GTF2B: variants seen among roughly 807,000 people sequenced by gnomAD.
GTF2B encodes the protein general transcription factor IIB.
In GTF2B, 20 loss-of-function variants were observed where a neutral mutation model predicts 34.6. The observed-to-expected ratio is 0.58, with a 90% CI of 0.41 to 0.84. The LOEUF is 0.84. Among genes scored for constraint, GTF2B ranks in the 40% least tolerant of loss-of-function variants. The pLI, the probability that GTF2B is intolerant of heterozygous loss-of-function variation, is 0.00. For missense variants in GTF2B, 237 were observed against 393.3 expected (o/e 0.60, Z 3.36); for synonymous variants, 142 against 132.4 (o/e 1.07, Z -0.50).
In GTF2B at chr1:88,887,291, T is replaced by C. The variant is rs564862923; in HGVS notation, c.94A>G (p.Met32Val). ...ILVEDYRAGDMICPECGLVVG... is the reference protein window; with the variant it reads ...ILVEDYRAGDVICPECGLVVG... ...ACCAAGCCACATTCAGGACAGATCA[T>C]ATCACCGGCTCTGTAGTCCTCCACT... The change falls in exon 2 of 7, where the codon ATG (methionine) becomes GTG (valine). Residue 32 changes from methionine to valine, a missense_variant. Coordinates refer to ENST00000370500, the MANE Select transcript of GTF2B (RefSeq NM_001514.6). 1.2e-5 allele frequency: 19 copies of C among 1,609,180 alleles called. No homozygotes were observed. The East Asian group carries it at 2.2e-4, about 19-fold the overall frequency.
At chr1:88,866,490 C>A (rs1325688680) in intron 2 of GTF2B, among the ~76,000 whole-genome samples, 1 of 152,168 alleles carries the variant, frequency 6.6e-6, no homozygotes, top group African/African-American at 2.4e-5. Flanking sequence ...CTCACTGCAG[C>A]TTTTGCCTCT....
intron 3 of GTF2B, among the ~76,000 whole-genome samples, chr1:88,860,661 A>G (rs1673413032): frequency 6.6e-6 from 1 of 152,078 alleles, no homozygotes; most frequent in Non-Finnish European, 1.5e-5. Flanking sequence ...AGAATCAAAT[A>G]ATGTAAAACA....
intron 4 of GTF2B, 23 bp downstream of exon 4, chr1:88,860,117 A>C: frequency 6.2e-7 from 1 of 1,613,588 alleles, no homozygotes; most frequent in Non-Finnish European, 8.5e-7. Flanking sequence ...AGAATGGCTT[A>C]AAGGAGGTAG....
Position 88,887,208 on chromosome 1 carries a change from C to T in GTF2B, c.124+53G>A. 1.4e-5 allele frequency: 16 copies of T among 1,163,744 alleles called. No homozygotes were observed. The South Asian group carries it at 1.9e-4, about 14-fold the overall frequency. 72.1% of individuals were successfully genotyped at this position (1,163,744 alleles called of 1,614,324 possible). Reference sequence around the variant, plus strand: ...TGCTGGAATTACAGGCGTGAGCCACCATGCTTGGCCTCCTGAACAGTAATT... The same window carrying T: ...TGCTGGAATTACAGGCGTGAGCCACTATGCTTGGCCTCCTGAACAGTAATT... On this transcript the variant is annotated intron_variant, in intron 2 of 6. Transcript: ENST00000370500.
rs57528139 is a variant in GTF2B at position 88,881,008 on chromosome 1, C to CAAA, written c.124+6250_124+6252dup. On this transcript the variant is annotated intron_variant, in intron 2 of 6. Transcript: ENST00000370500. ...TGGGTGACAGAGCGAGATGCTGTCT[C>CAAA]AAAAAAAAAAAAAAAAAAAGAACTA... 1.6e-3 allele frequency among the ~76,000 whole-genome samples: 146 copies of CAAA among 92,740 alleles called. 1 individual carries two copies. The highest frequency in any genetic ancestry group is 4.7e-3 in the African/African-American group (116 of 24,928). The allele number at this position is 92,740 out of a possible 152,430, so 60.8% of individuals were successfully genotyped here. A position where few individuals can be genotyped will look rare whatever the true frequency, so the allele number is the denominator to read the frequency against.
chr1:88,855,660 T>G (rs1673287193), intron 6 of GTF2B, among the ~76,000 whole-genome samples: 1 of 151,910 alleles, frequency 6.6e-6, no homozygotes, highest in Non-Finnish European at 1.5e-5. Context: ...GCCACCAACT[T>G]TTCTTTTTTT....
intron 5 of GTF2B, chr1:88,858,789 TAAATGAAA>T (rs1383896895): frequency 6.6e-6 from 1 of 151,212 alleles, no homozygotes; most frequent in African/African-American, 2.4e-5. Context: ...AACTGCAAAC[TAAATGAAA>T]AATACCAGTT....
Position 88,860,357 on chromosome 1 carries a change from T to C in GTF2B, c.259-71A>G, listed in dbSNP as rs1324470315. On this transcript the variant is annotated intron_variant, in intron 3 of 6. Coordinates refer to ENST00000370500, the MANE Select transcript of GTF2B (RefSeq NM_001514.6). The stretch of plus-strand genomic sequence containing the variant: ...GAAAAATGGACAATTTCTATGAAAA[T>C]ATAGCTTACAAGATCTGATTCTACA... 4.6e-6 allele frequency: 5 copies of C among 1,079,058 alleles called. No individual in the cohort carries two copies. In the East Asian group the frequency reaches 1.2e-4, roughly 25 times the overall value. The allele number at this position is 1,079,058 out of a possible 1,614,324, so 66.8% of individuals were successfully genotyped here. A position where few individuals can be genotyped will look rare whatever the true frequency, so the allele number is the denominator to read the frequency against.
At chr1:88,877,904 C>A (rs1252496356) in intron 2 of GTF2B, among the ~76,000 whole-genome samples, 12 of 152,204 alleles carry the variant, frequency 7.9e-5, no homozygotes, top group Admixed American at 7.9e-4. Flanking sequence ...GCACTCCTGC[C>A]TGGGCGACAG....
chr1:88,888,946 T>G (rs1326679637), intron 1 of GTF2B, among the ~76,000 whole-genome samples: 1 of 152,262 alleles, frequency 6.6e-6, no homozygotes, highest in Non-Finnish European at 1.5e-5. Context: ...TGGTATCTGA[T>G]TTCCTTACCT....
rs1308599330 is a variant in GTF2B, at chr1:88,891,521, C to T, written c.-22G>A. ...CCATCTTCACGGCGACTGCGGTGCC[C>T]GCAACAAGACACAACAGACACACCG... On this transcript the variant is annotated 5_prime_UTR_variant, in exon 1 of 7. Transcript: ENST00000370500. 3.8e-6 allele frequency: 6 copies of T among 1,599,392 alleles called. No individual in the cohort carries two copies. The highest frequency in any genetic ancestry group is 2.7e-5 in the African/African-American group (2 of 74,564).
chr1:88,887,727 T>C, intron 1 of GTF2B: 1 of 241,714 alleles, frequency 4.1e-6, no homozygotes, highest in South Asian at 4.5e-5. Flanking sequence ...ACCATCCAGT[T>C]TGTGCTCTTT....
chr1:88,880,084 A>G (rs1342137657), intron 2 of GTF2B, among the ~76,000 whole-genome samples: 2 of 152,162 alleles, frequency 1.3e-5, no homozygotes, highest in Non-Finnish European at 2.9e-5. Flanking sequence ...AAGAAAAAGA[A>G]AAAGAAAAGA....
At chr1:88,866,435 G>GTGAA (rs1001324836) in intron 2 of GTF2B, among the ~76,000 whole-genome samples, 2 of 152,068 alleles carry the variant, frequency 1.3e-5, no homozygotes, top group African/African-American at 4.8e-5. Flanking sequence ...TTCAGACAGG[G>GTGAA]TCTCACTCTG....
Position 88,864,124 on chromosome 1 carries a change from T to C in GTF2B, c.125-10A>G, listed in dbSNP as rs1673499197. 2.5e-6 allele frequency: 4 copies of C among 1,613,432 alleles called. No homozygotes were observed. Among genetic ancestry groups the C allele is most frequent in the Non-Finnish European group, 3.4e-6 (4 of 1,179,472 alleles). ...TCAATAACCCGGTCACCTAAGAATA[T>C]AAGCACATATCTGAATCATTTTGTC... On this transcript the variant is annotated splice_polypyrimidine_tract_variant and intron_variant, in intron 2 of 6. Transcript: ENST00000370500.
chr1:88,873,285 G>GAA (rs1673742414), intron 2 of GTF2B, among the ~76,000 whole-genome samples: 1 of 147,324 alleles, frequency 6.8e-6, no homozygotes, highest in Non-Finnish European at 1.5e-5. Context: ...CACCTCCCAA[G>GAA]TTCAAGTGAT....
At chr1:88,871,714 A>G (rs961274906) in intron 2 of GTF2B, among the ~76,000 whole-genome samples, 2 of 152,172 alleles carry the variant, frequency 1.3e-5, no homozygotes, top group African/African-American at 4.8e-5. Context: ...AAGTCGTATA[A>G]AAGACTGCTC....
At chr1:88,858,180 T>C (rs1202387033) in intron 5 of GTF2B, among the ~76,000 whole-genome samples, 1 of 151,720 alleles carries the variant, frequency 6.6e-6, no homozygotes, top group African/African-American at 2.4e-5. Context: ...TTTGTATTTT[T>C]AGTAGAGATG....
intron 5 of GTF2B, among the ~76,000 whole-genome samples, chr1:88,858,235 G>A (rs1283808938): frequency 1.3e-5 from 2 of 151,826 alleles, no homozygotes; most frequent in African/African-American, 2.4e-5. Flanking sequence ...TCCTGACCTC[G>A]TGATCTACCT....
Sources: allele counts gnomAD v4.1 joint callset (sites outside exome capture counted in the v4.1 genomes callset), GRCh38; gene constraint gnomAD v4.1.1; transcripts MANE v1.5; gene names NCBI Gene and HGNC (gene_info 2026-07-23, HGNC 2026-07-21).